The following CLUL1 variants were observed in gnomAD, a reference collection of about 807,000 sequenced individuals.
CLUL1 encodes the protein clusterin like 1, also known as clusterin-like protein 1.
Under a neutral mutation model 49.4 loss-of-function variants are expected in CLUL1, and 43 were observed. The observed-to-expected ratio is 0.87, with a 90% CI of 0.68 to 1.12. CLUL1 has a LOEUF of 1.12. CLUL1 is among the 50% of genes most tolerant of loss of function. The pLI is 0.00. For missense variants in CLUL1, 486 were observed against 544.4 expected (o/e 0.89, Z 1.07); for synonymous variants, 192 against 184.9 (o/e 1.04, Z -0.31).
intron 2 of CLUL1, among the ~76,000 whole-genome samples, chr18:612,111 T>C (rs543971005): frequency 2.0e-5 from 3 of 152,308 alleles, no homozygotes; most frequent in Non-Finnish European, 2.9e-5. Context: ...TTAAAACAGC[T>C]TCCTAACTGG....
intron 1 of CLUL1, among the ~76,000 whole-genome samples, chr18:605,568 C>CA (rs981646906): frequency 7.9e-4 from 100 of 125,828 alleles, no homozygotes; most frequent in Admixed American, 9.7e-4. Flanking sequence ...GACCTTGTCT[C>CA]AAAAAAAAAA....
intron 4 of CLUL1, among the ~76,000 whole-genome samples, chr18:623,878 A>T (rs1434458438): frequency 2.0e-5 from 3 of 152,204 alleles, no homozygotes; most frequent in South Asian, 2.1e-4. Context: ...GTCAGTGCCC[A>T]GGTGATTCTT....
At chr18:625,518 AACAC>A (rs3221054) in intron 5 of CLUL1, among the ~76,000 whole-genome samples, 6,333 of 144,614 alleles carry the variant, frequency 0.044, 194 homozygotes, top group South Asian at 0.15. Context: ...CCTTATGCAT[AACAC>A]ACACACACAC....
intron 2 of CLUL1, among the ~76,000 whole-genome samples, chr18:609,817 C>A (rs1206345452): frequency 1.2e-5 from 1 of 85,312 alleles, no homozygotes; most frequent in Non-Finnish European, 2.3e-5. Flanking sequence ...AAGCGAGACT[C>A]TGTCTCAAAA....
rs538057527 is a variant in CLUL1, at chr18:640,400, A to T, written c.995-927A>T. On this transcript the variant is annotated intron_variant, in intron 7 of 9. Transcript: ENST00000692774. ...ACTCCAGCCTGGGTAACAGAGCGAG[A>T]ACCTGTCTTGAAAAAAAAGAAAAGA... Among the ~76,000 whole-genome samples, 312 of 152,248 alleles carry T rather than the reference A, an allele frequency of 2.0e-3. 1 individual carries two copies. The highest frequency in any genetic ancestry group is 7.2e-3 in the African/African-American group (298 of 41,546).
chr18:630,552 A>G (rs2073963201), intron 6 of CLUL1, among the ~76,000 whole-genome samples: 2 of 151,946 alleles, frequency 1.3e-5, no homozygotes, highest in South Asian at 4.2e-4. Context: ...GACTTTGACG[A>G]CCTTGAAGAC....
At chr18:598,756 A>G (rs1448588326) in intron 1 of CLUL1, among the ~76,000 whole-genome samples, 2 of 152,214 alleles carry the variant, frequency 1.3e-5, no homozygotes, top group East Asian at 1.9e-4. Context: ...GTGTGAGAAT[A>G]TGAGATCCAC....
intron 4 of CLUL1, among the ~76,000 whole-genome samples, chr18:621,731 A>G (rs573495359): frequency 6.6e-6 from 1 of 152,306 alleles, no homozygotes; most frequent in African/African-American, 2.4e-5. Flanking sequence ...TTGTTAATTA[A>G]CATGTTACTC....
intron 1 of CLUL1, chr18:598,465 C>A (rs2143902557): frequency 2.5e-6 from 1 of 398,412 alleles, no homozygotes; most frequent in South Asian, 1.3e-4. Context: ...TCTTGAGTCT[C>A]AAGGCTGCCT....
chr18:600,196 G>C (rs2072785541), intron 1 of CLUL1, among the ~76,000 whole-genome samples: 1 of 147,828 alleles, frequency 6.8e-6, no homozygotes, highest in African/African-American at 2.5e-5. Context: ...CAATCCATTT[G>C]CCTTTTTTTC....
intron 2 of CLUL1, among the ~76,000 whole-genome samples, chr18:610,595 A>G (rs1390069969): frequency 6.6e-6 from 1 of 152,182 alleles, no homozygotes; most frequent in Non-Finnish European, 1.5e-5. Context: ...TAGAAATAAG[A>G]GCACCCAGGA....
intron 8 of CLUL1, among the ~76,000 whole-genome samples, chr18:642,290 AGT>A (rs900772148): frequency 1.2e-4 from 19 of 152,016 alleles, no homozygotes; most frequent in African/African-American, 4.3e-4. Flanking sequence ...AAATTAGCCA[AGT>A]GTGATGGCAC....
rs2073835355 is a variant in CLUL1, at chr18:627,222, G to T, written c.549G>T (p.Val183=). The change falls in exon 6 of 10, where the codon GTG becomes GTT. Residue 183 remains valine (V), a synonymous_variant. Transcript: ENST00000692774. ...CACAATTGACCCAAATGGAGGATGT[G>T]TTCAGCCAGTTGACTGTGGATGTGA... ...EDAQLTQMED[V]FSQLTVDVNS... is the part of the protein sequence containing the mutation. 6.2e-7 allele frequency: 1 copy of T among 1,613,958 alleles called. No individual in the cohort carries two copies. Among genetic ancestry groups the T allele is most frequent in the Non-Finnish European group, 8.5e-7 (1 of 1,179,988 alleles).
chr18:609,185 TAAAAC>T (rs2073063330), intron 2 of CLUL1, among the ~76,000 whole-genome samples: 1 of 152,178 alleles, frequency 6.6e-6, no homozygotes, highest in African/African-American at 2.4e-5. Context: ...ATTTTCCACA[TAAAAC>T]AAAGTTTGTA....
Position 633,781 on chromosome 18 carries a change from A to C in CLUL1, c.994+346A>C, listed in dbSNP as rs114985668. ...GAGTGGTCTGGAGGGAAAAATGGTT[A>C]TGACAGAGCATGTAATCGGAATGAA... is the stretch of plus-strand genomic sequence containing the variant. On this transcript the variant is annotated intron_variant, in intron 7 of 9. Coordinates refer to ENST00000692774, the MANE Select transcript of CLUL1 (RefSeq NM_001393344.1). 2.8e-3 allele frequency among the ~76,000 whole-genome samples: 428 copies of C among 150,606 alleles called. 2 individuals are homozygous for C. The highest frequency in any genetic ancestry group is 0.01 in the African/African-American group (416 of 40,812).
At chr18:598,080 T>A (rs997594563) in intron 1 of CLUL1, 10 of 152,616 alleles carry the variant, frequency 6.6e-5, no homozygotes, top group African/African-American at 2.4e-4. Context: ...ACCTGCCTGA[T>A]GCAAGAACAG....
At chr18:648,514 A>G (rs2074581132) in intron 9 of CLUL1, among the ~76,000 whole-genome samples, 1 of 152,004 alleles carries the variant, frequency 6.6e-6, no homozygotes, top group Non-Finnish European at 1.5e-5. Flanking sequence ...CACATTTTCT[A>G]CCTATTTTCT....
intron 4 of CLUL1, among the ~76,000 whole-genome samples, chr18:622,564 G>A (rs936009321): frequency 1.4e-4 from 21 of 152,172 alleles, no homozygotes; most frequent in Non-Finnish European, 1.5e-4. Flanking sequence ...GGAAGGCGTC[G>A]ATAGGATATT....
intron 4 of CLUL1, among the ~76,000 whole-genome samples, chr18:619,629 CT>C (rs1199665262): frequency 6.6e-6 from 1 of 151,902 alleles, no homozygotes; most frequent in Non-Finnish European, 1.5e-5. Context: ...TATTCTTGGT[CT>C]CTTCTGAGTT....
Sources: allele counts gnomAD v4.1 joint callset (sites outside exome capture counted in the v4.1 genomes callset), GRCh38; gene constraint gnomAD v4.1.1; transcripts MANE v1.5; gene names NCBI Gene and HGNC (gene_info 2026-07-23, HGNC 2026-07-21).